The following TFG variants were observed in gnomAD, a reference collection of about 807,000 sequenced individuals.
TFG encodes the protein protein TFG.
In TFG, 22 loss-of-function variants were observed where a neutral mutation model predicts 51.4. The ratio of observed to expected loss-of-function variants is 0.43; its 90% CI spans 0.31 to 0.61. TFG has a LOEUF of 0.61. Ranked by LOEUF, TFG falls within the 20% of genes least tolerant of loss-of-function variation. TFG has a pLI of 0.12. For missense variants in TFG, 419 were observed against 487.7 expected (o/e 0.86, Z 1.33); for synonymous variants, 187 against 165.6 (o/e 1.13, Z -0.99).
chr3:100,736,827 A>G (rs2095107970), intron 6 of TFG, 111 bp downstream of exon 6: 1 of 1,202,600 alleles, frequency 8.3e-7, no homozygotes, highest in Admixed American at 2.5e-5. Context: ...CACAGGAAAA[A>G]TTTTGATTTA....
chr3:100,741,094 A>T (rs970093847), intron 6 of TFG, among the ~76,000 whole-genome samples: 4 of 152,166 alleles, frequency 2.6e-5, no homozygotes, highest in African/African-American at 9.7e-5. Context: ...GATAATGATG[A>T]TAGGTGACTC....
intron 3 of TFG, among the ~76,000 whole-genome samples, chr3:100,722,950 A>T (rs1412036048): frequency 2.0e-5 from 3 of 152,222 alleles, no homozygotes; most frequent in Admixed American, 2.0e-4. Context: ...CTTGGTCAGT[A>T]GGCTATGCTT....
intron 2 of TFG, among the ~76,000 whole-genome samples, chr3:100,715,001 G>A (rs1358185468): frequency 6.6e-6 from 1 of 152,098 alleles, no homozygotes; most frequent in Non-Finnish European, 1.5e-5. Flanking sequence ...GTTTTTTACT[G>A]TGGAACTTAC....
At chr3:100,724,053 A>G (rs1364223147) in intron 3 of TFG, among the ~76,000 whole-genome samples, 1 of 152,164 alleles carries the variant, frequency 6.6e-6, no homozygotes, top group African/African-American at 2.4e-5. Flanking sequence ...TGGGAATTAT[A>G]AATAAGTAGA....
chr3:100,738,473 C>T (rs1025164203), intron 6 of TFG, among the ~76,000 whole-genome samples: 3 of 152,138 alleles, frequency 2.0e-5, no homozygotes, highest in Non-Finnish European at 4.4e-5. Flanking sequence ...GGAATTAAGG[C>T]GCTACTAGCA....
intron 6 of TFG, among the ~76,000 whole-genome samples, chr3:100,737,200 T>C (rs905413073): frequency 6.6e-6 from 1 of 152,322 alleles, no homozygotes; most frequent in Non-Finnish European, 1.5e-5. Flanking sequence ...AATATGTCTT[T>C]AATGGAAAAA....
chr3:100,712,728 T>G (rs1036671975), intron 1 of TFG, among the ~76,000 whole-genome samples: 3 of 152,206 alleles, frequency 2.0e-5, no homozygotes, highest in South Asian at 4.1e-4. Flanking sequence ...TGTTATAAAT[T>G]TTTAATGTCT....
At chr3:100,716,113 GT>G (rs1365544098) in intron 2 of TFG, among the ~76,000 whole-genome samples, 2 of 151,942 alleles carry the variant, frequency 1.3e-5, no homozygotes, top group African/African-American at 4.8e-5. Flanking sequence ...TATATAATAT[GT>G]TATTGTTAAC....
intron 5 of TFG, among the ~76,000 whole-genome samples, chr3:100,733,774 G>A (rs1385647413): frequency 1.3e-5 from 2 of 152,142 alleles, no homozygotes; most frequent in Non-Finnish European, 2.9e-5. Flanking sequence ...GCAGGGAGTT[G>A]ATTTGTATGG....
At chr3:100,742,038 A>G (rs891699081) in intron 6 of TFG, among the ~76,000 whole-genome samples, 2 of 152,222 alleles carry the variant, frequency 1.3e-5, no homozygotes, top group African/African-American at 4.8e-5. Context: ...ATTGCTTACT[A>G]TAAACAATGT....
chr3:100,747,710 C>T (rs1366607797), intron 7 of TFG, among the ~76,000 whole-genome samples: 1 of 151,918 alleles, frequency 6.6e-6, no homozygotes, highest in Non-Finnish European at 1.5e-5. Flanking sequence ...TTTAAAGCAC[C>T]TGATTAGTAC....
At chr3:100,735,678 T>G (rs1293481729) in intron 5 of TFG, among the ~76,000 whole-genome samples, 1 of 152,236 alleles carries the variant, frequency 6.6e-6, no homozygotes, top group Non-Finnish European at 1.5e-5. Context: ...ATATTTACAT[T>G]GTCCTCAGAA....
chr3:100,721,664 C>T (rs899821659), intron 3 of TFG, among the ~76,000 whole-genome samples: 2 of 152,122 alleles, frequency 1.3e-5, no homozygotes, highest in Non-Finnish European at 2.9e-5. Context: ...GCCAAAATCT[C>T]TCTTGAGGGG....
At chr3:100,736,477 T>C in intron 5 of TFG, 99 bp from the exon 6 acceptor site, 1 of 1,324,680 alleles carries the variant, frequency 7.5e-7, no homozygotes, top group South Asian at 1.4e-5. Flanking sequence ...ATACTTATTC[T>C]ATAGTACTTT....
chr3:100,728,948 C>T (rs999503731), intron 4 of TFG, 90 bp downstream of exon 4: 3 of 1,142,430 alleles, frequency 2.6e-6, no homozygotes, highest in Non-Finnish European at 3.7e-6. Context: ...AGAAGGATGG[C>T]ATCCCCAATG....
rs556175963 is a variant in TFG, at chr3:100,748,073, T to G, written c.821-76T>G. On this transcript the variant is annotated intron_variant, in intron 7 of 7. Transcript: ENST00000240851. ...AATTTCTCACCATTTTTGGTCCACC[T>G]AACAGTAAGACTAATTCTTTGGAAA... 3 of 1,469,082 alleles carry G rather than the reference T, an allele frequency of 2.0e-6. No individual in the cohort carries two copies. In the East Asian group the frequency reaches 6.8e-5, roughly 34 times the overall value. The allele number at this position is 1,469,082 out of a possible 1,614,324, so 91.0% of individuals were successfully genotyped here. A position where few individuals can be genotyped will look rare whatever the true frequency, so the allele number is the denominator to read the frequency against.
chr3:100,732,591 G>A lies in TFG; in HGVS notation c.499G>A (p.Ala167Thr), dbSNP rs1428468084. ...TCAGGTTATGGCAGCAAGTATGTCTGCTTTTGATCCTTTAAAAAACCAAGA... is the reference window on the plus strand; with the variant it reads ...TCAGGTTATGGCAGCAAGTATGTCTACTTTTGATCCTTTAAAAAACCAAGA... Reference protein sequence around the residue: ...STQVMAASMSAFDPLKNQDEI... With the variant: ...STQVMAASMSTFDPLKNQDEI... The change falls in exon 5 of 8, where the codon GCT becomes ACT. Residue 167 changes from alanine (A) to threonine (T), a missense_variant. Physicochemically the swap from Ala to Thr is moderately conservative, Grantham distance 58. Around this residue, in one of 3 missense-constraint regions of TFG, gnomAD observed 391 missense variants for 434.4 expected, o/e 0.90. Coordinates refer to ENST00000240851, the MANE Select transcript of TFG (RefSeq NM_006070.6). 11 of 1,612,504 alleles carry A rather than the reference G, an allele frequency of 6.8e-6. No homozygotes were observed. Among genetic ancestry groups the A allele is most frequent in the Non-Finnish European group, 9.3e-6 (11 of 1,179,252 alleles).
At chr3:100,722,718 AT>A (rs1559710096) in intron 3 of TFG, among the ~76,000 whole-genome samples, 1 of 152,248 alleles carries the variant, frequency 6.6e-6, no homozygotes. Flanking sequence ...AGACAGTATT[AT>A]CACAGTTGCA....
intron 2 of TFG, among the ~76,000 whole-genome samples, chr3:100,718,560 T>G (rs1480874089): frequency 1.4e-5 from 2 of 142,298 alleles, no homozygotes; most frequent in East Asian, 2.1e-4. Context: ...TTTTTTTTTT[T>G]TTTTTTTTTT....
Sources: gnomAD v4.1 joint callset for allele counts (sites outside exome capture counted in the v4.1 genomes callset) on GRCh38, gnomAD v4.1.1 for gene constraint, gnomAD v4.1.1 regional missense constraint, MANE v1.5 for transcripts, NCBI Gene and HGNC (gene_info 2026-07-23, HGNC 2026-07-21) for gene names.